ADGRV1: variants seen among roughly 807,000 people sequenced by gnomAD.
The protein encoded by ADGRV1 is G-protein coupled receptor 98.
In ADGRV1, 359 loss-of-function variants were observed where a neutral mutation model predicts 596.2. The ratio of observed to expected loss-of-function variants is 0.60; its 90% confidence interval spans 0.55 to 0.66. The LOEUF (loss-of-function observed/expected upper bound fraction) is 0.66. Ranked by LOEUF, ADGRV1 falls within the 30% of genes least tolerant of loss-of-function variation. The pLI, the probability that ADGRV1 is intolerant of heterozygous loss-of-function variation, is 0.00. For missense variants in ADGRV1, 7,274 were observed against 7,575.6 expected, an observed-to-expected ratio of 0.96 and a Z score of 1.48; for synonymous variants, 2,681 against 2,679.2, an observed-to-expected ratio of 1.00 and a Z score of -0.02.
chr5:90,600,880 A>G (rs1260772523), intron 1 of ADGRV1, among the ~76,000 whole-genome samples: 5 of 152,238 alleles, frequency 3.3e-5, no homozygotes, highest in African/African-American at 1.2e-4. Context: ...CTTCTTTTTA[A>G]AAACAAAAAT....
chr5:91,155,910 G>C (rs1796441793), intron 89 of ADGRV1, among the ~76,000 whole-genome samples: 1 of 152,186 alleles, frequency 6.6e-6, no homozygotes, highest in African/African-American at 2.4e-5. Context: ...TGAGATTAAG[G>C]CCTCAAATCT....
chr5:90,796,417 G>A (rs571291313), intron 70 of ADGRV1, among the ~76,000 whole-genome samples: 29 of 149,904 alleles, frequency 1.9e-4, no homozygotes, highest in Admixed American at 1.5e-3. Flanking sequence ...GCAAGAAGAC[G>A]AGATTAGAGA....
In ADGRV1 at chr5:90,703,990, A is replaced by G. The variant is rs550015072; in HGVS notation, c.8286+195A>G. 1.1e-4 allele frequency among the ~76,000 whole-genome samples: 17 copies of G among 152,278 alleles called. No homozygotes were observed. The South Asian group carries it at 1.5e-3, about 13-fold the overall frequency. Reference sequence around the variant, plus strand: ...ATTGCCTCAATATTAAGCCAAGCCAATATTACCCTCTGCCTTGAGTAGTAC... The same window carrying G: ...ATTGCCTCAATATTAAGCCAAGCCAGTATTACCCTCTGCCTTGAGTAGTAC... On this transcript the variant is annotated intron_variant, in intron 35 of 89. Transcript: ENST00000405460.
At chr5:90,644,318 A>C (rs1016487826) in intron 14 of ADGRV1, among the ~76,000 whole-genome samples, 1 of 152,198 alleles carries the variant, frequency 6.6e-6, no homozygotes, top group African/African-American at 2.4e-5. Context: ...GAAATGATAA[A>C]TAGTTTATTT....
At chr5:90,886,178 A>G (rs560490443) in intron 83 of ADGRV1, among the ~76,000 whole-genome samples, 3 of 152,116 alleles carry the variant, frequency 2.0e-5, no homozygotes, top group African/African-American at 7.2e-5. Context: ...TGCTCAAAGG[A>G]ACTCTGATCA....
chr5:90,755,315 TC>T, intron 55 of ADGRV1, 130 bp downstream of exon 55: 2 of 618,120 alleles, frequency 3.2e-6, no homozygotes, highest in Non-Finnish European at 5.4e-6. Context: ...ATGTAAGTAT[TC>T]TACTGTTGCC....
intron 21 of ADGRV1, among the ~76,000 whole-genome samples, chr5:90,667,806 G>A (rs1022522323): frequency 4.0e-4 from 61 of 152,254 alleles, no homozygotes; most frequent in African/African-American, 1.4e-3. Context: ...TGTCCTTTCT[G>A]TTTGTTAGTT....
intron 83 of ADGRV1, among the ~76,000 whole-genome samples, chr5:90,944,477 G>C (rs994843567): frequency 6.6e-6 from 1 of 152,114 alleles, no homozygotes; most frequent in Admixed American, 6.6e-5. Flanking sequence ...AATTATAAAA[G>C]AGATAACCAA....
intron 71 of ADGRV1, 72 bp from the exon 72 acceptor site, chr5:90,805,212 G>T: frequency 7.5e-7 from 1 of 1,332,414 alleles, no homozygotes; most frequent in Non-Finnish European, 1.0e-6. Context: ...GAAAGTTTAC[G>T]TTTAACCCAT....
At chr5:91,070,535 G>A (rs1456754543) in intron 85 of ADGRV1, among the ~76,000 whole-genome samples, 1 of 152,134 alleles carries the variant, frequency 6.6e-6, no homozygotes, top group African/African-American at 2.4e-5. Context: ...TAACTTGGAG[G>A]TATATCCCTT....
chr5:90,651,902 C>G (rs559590470), intron 18 of ADGRV1, among the ~76,000 whole-genome samples, 172 bp downstream of exon 18: 1 of 146,988 alleles, frequency 6.8e-6, no homozygotes, highest in Non-Finnish European at 1.5e-5. Context: ...CACTTATCTT[C>G]AAAAAAAAAA....
Position 90,783,397 on chromosome 5 carries a change from G to A in ADGRV1, c.13433+72G>A. On this transcript the variant is annotated intron_variant, in intron 66 of 89. Transcript: ENST00000405460. ...GTGTTCAAACTCTTACATATGTTTTGCACTGACAATAGAACTTTAGATAAT... is the reference window on the plus strand; with the variant it reads ...GTGTTCAAACTCTTACATATGTTTTACACTGACAATAGAACTTTAGATAAT... 7 of 1,024,126 alleles carry A rather than the reference G, an allele frequency of 6.8e-6. No homozygotes were observed. In the South Asian group the frequency reaches 9.6e-5, roughly 14 times the overall value. 63.4% of individuals were successfully genotyped at this position (1,024,126 alleles called of 1,614,324 possible). A position where few individuals can be genotyped will look rare whatever the true frequency, so the allele number is the denominator to read the frequency against.
At chr5:90,785,262 G>A (rs573756142) in intron 67 of ADGRV1, among the ~76,000 whole-genome samples, 8 of 152,154 alleles carry the variant, frequency 5.3e-5, no homozygotes, top group Non-Finnish European at 1.0e-4. Flanking sequence ...ATTCAAGATG[G>A]ATTAAAGACT....
chr5:90,836,878 T>C (rs1561826162), intron 77 of ADGRV1, among the ~76,000 whole-genome samples: 1 of 152,240 alleles, frequency 6.6e-6, no homozygotes, highest in Non-Finnish European at 1.5e-5. Context: ...GCCCTTGTGT[T>C]GTTCTCTAAG....
At chr5:90,770,127 C>T (rs1757535706) in intron 59 of ADGRV1, among the ~76,000 whole-genome samples, 1 of 152,164 alleles carries the variant, frequency 6.6e-6, no homozygotes, top group African/African-American at 2.4e-5. Flanking sequence ...GTTTAATGGA[C>T]TCACAGTTCC....
intron 86 of ADGRV1, among the ~76,000 whole-genome samples, chr5:91,094,059 C>T (rs1790631179): frequency 6.6e-6 from 1 of 151,836 alleles, no homozygotes; most frequent in Non-Finnish European, 1.5e-5. Flanking sequence ...GCCATGTTCG[C>T]CAGGACAGTC....
intron 84 of ADGRV1, among the ~76,000 whole-genome samples, chr5:90,971,630 C>A (rs879993343): frequency 6.6e-6 from 1 of 152,148 alleles, no homozygotes; most frequent in Non-Finnish European, 1.5e-5. Context: ...GAAATAAAAT[C>A]CTTTACAGAC....
At chr5:91,144,554 C>T (rs1430340731) in intron 87 of ADGRV1, among the ~76,000 whole-genome samples, 1 of 152,190 alleles carries the variant, frequency 6.6e-6, no homozygotes, top group East Asian at 1.9e-4. Context: ...GATCTTCCCA[C>T]CTTGGTCTCC....
intron 85 of ADGRV1, among the ~76,000 whole-genome samples, chr5:91,062,129 A>G (rs1273495034): frequency 6.6e-6 from 1 of 152,124 alleles, no homozygotes; most frequent in Non-Finnish European, 1.5e-5. Context: ...GTGTGTTGTT[A>G]CTTGCATCTG....
Sources: allele counts gnomAD v4.1 joint callset (sites outside exome capture counted in the v4.1 genomes callset), GRCh38; gene constraint gnomAD v4.1.1; transcripts MANE v1.5; gene names NCBI Gene and HGNC (gene_info 2026-07-23, HGNC 2026-07-21).